Variants in PCDHGA8 observed in about 807,000 individuals in gnomAD.
PCDHGA8 encodes the protein protocadherin gamma-A8.
PCDHGA8 carries 45 observed loss-of-function variants against 59.2 expected under a neutral mutation model. That is an observed-to-expected ratio of 0.76 (90% CI 0.60 to 0.98). The LOEUF (loss-of-function observed/expected upper bound fraction) is 0.98. Among genes scored for constraint, PCDHGA8 ranks in the 50% least tolerant of loss-of-function variants. PCDHGA8 has a pLI of 0.00. For missense variants in PCDHGA8, 1,257 were observed against 1,196.2 expected (o/e 1.05, Z -0.75); for synonymous variants, 531 against 519.0 (o/e 1.02, Z -0.32).
At chr5:141,395,423 C>A in intron 1 of PCDHGA8, 186 bp downstream of exon 1, 1 of 731,386 alleles carries the variant, frequency 1.4e-6, no homozygotes, top group Non-Finnish European at 2.1e-6. Context: ...GTTTCATTTG[C>A]TTTTAAACGA....
In PCDHGA8 at chr5:141,487,680, A is replaced by G; in HGVS notation, c.2425-7127A>G. On this transcript the variant is annotated intron_variant, in intron 1 of 3. Coordinates refer to ENST00000398604, the MANE Select transcript of PCDHGA8 (RefSeq NM_032088.2). This position sits in a 1 kb window ranked among gnomAD's most constrained non-coding sequence, Gnocchi z 5.0. ...TCTGATCCAGGCATATGGCTAGGCC[A>G]TGTCCTAGAGAGTACTGGCCTCTCA... 6.2e-7 allele frequency: 1 copy of G among 1,609,370 alleles called. No individual in the cohort carries two copies. The highest frequency in any genetic ancestry group is 2.2e-5 in the East Asian group (1 of 44,826).
chr5:141,476,733 G>C lies in PCDHGA8; in HGVS notation c.2425-18074G>C, dbSNP rs373439335. On this transcript the variant is annotated intron_variant, in intron 1 of 3. Transcript: ENST00000398604. This position sits in a 1 kb window ranked among gnomAD's most constrained non-coding sequence, Gnocchi z 7.6. ...TTGGAGCGCGCCCTGGACCGAGAAC[G>C]GGAGCCTAGTCTCCAGTTAGTGCTG... 6.2e-6 allele frequency: 10 copies of C among 1,614,062 alleles called. No individual in the cohort carries two copies. The highest frequency in any genetic ancestry group is 2.2e-5 in the East Asian group (1 of 44,870).
chr5:141,398,566 C>T, intron 1 of PCDHGA8: 1 of 1,613,980 alleles, frequency 6.2e-7, no homozygotes, highest in Non-Finnish European at 8.5e-7. Flanking sequence ...TGAGTCTGCA[C>T]AGCCTGGCAC....
intron 1 of PCDHGA8, chr5:141,413,354 C>T: frequency 6.2e-7 from 1 of 1,613,974 alleles, no homozygotes; most frequent in South Asian, 1.1e-5. Flanking sequence ...GGTCTGGCGC[C>T]CCGGGAGCTG....
intron 1 of PCDHGA8, chr5:141,405,642 T>C (rs2094697537): frequency 1.9e-6 from 1 of 528,606 alleles, no homozygotes; most frequent in Non-Finnish European, 3.3e-6. Flanking sequence ...GCCCGGCTAA[T>C]TTTTTGTGTG....
At position 141,431,998 on chromosome 5, in the gene PCDHGA8, A is replaced by G. The variant is rs201105272; in HGVS notation, c.2424+36761A>G. The G allele has an allele frequency of 1.2e-6, 2 of 1,614,176 alleles. No homozygotes were observed. Among genetic ancestry groups the G allele is most frequent in the Admixed American group, 1.7e-5 (1 of 60,030 alleles). On this transcript the variant is annotated intron_variant, in intron 1 of 3. Coordinates refer to ENST00000398604, the MANE Select transcript of PCDHGA8 (RefSeq NM_032088.2). This position sits in a 1 kb window ranked among gnomAD's most constrained non-coding sequence, Gnocchi z 4.8. The stretch of plus-strand genomic sequence containing the variant: ...TCACAGACATAGTCTTGGATAGGGA[A>G]CAGGTTCCTAGCTACAACATCACAG...
At chr5:141,468,330 C>CAAAAA (rs533390277) in intron 1 of PCDHGA8, 4 of 79,848 alleles carry the variant, frequency 5.0e-5, no homozygotes, top group African/African-American at 7.8e-5. Context: ...AACTCCATCT[C>CAAAAA]AAAAAAAAAA....
chr5:141,405,016 C>G (rs538744733), intron 1 of PCDHGA8: 1 of 1,613,888 alleles, frequency 6.2e-7, no homozygotes. Flanking sequence ...AGGCCTCAGA[C>G]CTTACCCTCT....
Position 141,485,870 on chromosome 5 carries a change from C to T in PCDHGA8, c.2425-8937C>T. The stretch of plus-strand genomic sequence containing the variant: ...CACCGCAGAGCTCCGGGTATCCGTG[C>T]TGGACGTAAACGACAACGCCCCAGC... On this transcript the variant is annotated intron_variant, in intron 1 of 3. Coordinates refer to ENST00000398604, the MANE Select transcript of PCDHGA8 (RefSeq NM_032088.2). This position sits in a 1 kb window ranked among gnomAD's most constrained non-coding sequence, Gnocchi z 5.7. 6.2e-7 allele frequency: 1 copy of T among 1,614,174 alleles called. No homozygotes were observed. The highest frequency in any genetic ancestry group is 8.5e-7 in the Non-Finnish European group (1 of 1,180,032).
chr5:141,465,881 G>T (rs1000308014), intron 1 of PCDHGA8, among the ~76,000 whole-genome samples: 1 of 151,960 alleles, frequency 6.6e-6, no homozygotes, highest in African/African-American at 2.4e-5. Flanking sequence ...CCAGCACTTT[G>T]GGAGGCCGAG....
chr5:141,487,348 C>T lies in PCDHGA8; in HGVS notation c.2425-7459C>T, dbSNP rs929693998. ...GTGGGGCAGCCTGTGGAGTCACATG[C>T]TTTCCTGCTGGCACCTGTGCCTGTC... On this transcript the variant is annotated intron_variant, in intron 1 of 3. Coordinates refer to ENST00000398604, the MANE Select transcript of PCDHGA8 (RefSeq NM_032088.2). The surrounding 1 kb of genome is among the most constrained non-coding windows in gnomAD (Gnocchi z 5.0). The T allele has an allele frequency of 2.5e-6, 4 of 1,614,080 alleles. No homozygotes were observed. The highest frequency in any genetic ancestry group is 2.2e-5 in the East Asian group (1 of 44,882).
rs143138320 is a variant in PCDHGA8 at position 141,489,458 on chromosome 5, G to C, written c.2425-5349G>C. The stretch of plus-strand genomic sequence containing the variant: ...CAATTGGGCTCTGAGGAGAATGGGC[G>C]CTATTTTTCCCTGAGCTTGATGAGT... On this transcript the variant is annotated intron_variant, in intron 1 of 3. Coordinates refer to ENST00000398604, the MANE Select transcript of PCDHGA8 (RefSeq NM_032088.2). The surrounding 1 kb of genome is among the most constrained non-coding windows in gnomAD (Gnocchi z 4.5). 3.7e-6 allele frequency: 6 copies of C among 1,613,924 alleles called. No individual in the cohort carries two copies. The highest frequency in any genetic ancestry group is 5.1e-6 in the Non-Finnish European group (6 of 1,180,000).
At chr5:141,492,070 G>T (rs1408035481) in intron 1 of PCDHGA8, 1 of 477,946 alleles carries the variant, frequency 2.1e-6, no homozygotes. Context: ...CCTCCTAGGC[G>T]CCGGCTCCGG....
intron 1 of PCDHGA8, among the ~76,000 whole-genome samples, chr5:141,483,340 C>T (rs906468552): frequency 5.9e-5 from 9 of 152,036 alleles, no homozygotes; most frequent in Non-Finnish European, 1.2e-4. Flanking sequence ...GATCTTATCT[C>T]TTTGCAATAG....
chr5:141,483,121 T>C (rs922863446), intron 1 of PCDHGA8, among the ~76,000 whole-genome samples: 1 of 152,052 alleles, frequency 6.6e-6, no homozygotes, highest in Admixed American at 6.6e-5. Flanking sequence ...ACAGTCTTTG[T>C]AGGAGATGAG....
intron 2 of PCDHGA8, among the ~76,000 whole-genome samples, chr5:141,504,359 A>C (rs988295720): frequency 2.6e-5 from 4 of 152,044 alleles, no homozygotes; most frequent in African/African-American, 9.7e-5. Flanking sequence ...TAGGTGCTTC[A>C]GTAGGAAGCA....
Position 141,489,361 on chromosome 5 carries a change from C to A in PCDHGA8, c.2425-5446C>A. ...TTACTCAGTGGTGGAGGAGTCTGAG[C>A]CGGGGACGCTGGTGGGGAATGTTGC... On this transcript the variant is annotated intron_variant, in intron 1 of 3. Transcript: ENST00000398604. This position sits in a 1 kb window ranked among gnomAD's most constrained non-coding sequence, Gnocchi z 4.5. 1 of 1,612,880 alleles carries A rather than the reference C, an allele frequency of 6.2e-7. No individual in the cohort carries two copies. The highest frequency in any genetic ancestry group is 8.5e-7 in the Non-Finnish European group (1 of 1,179,164).
Position 141,394,634 on chromosome 5 carries a change from C to T in PCDHGA8, c.1821C>T (p.Arg607=), listed in dbSNP as rs764703837. 2.5e-6 allele frequency: 4 copies of T among 1,613,328 alleles called. No homozygotes were observed. Among genetic ancestry groups the T allele is most frequent in the Non-Finnish European group, 1.7e-6 (2 of 1,179,976 alleles). Residue 607 remains arginine, a synonymous_variant, in exon 1 of 4, where the codon CGC becomes CGT. Coordinates refer to ENST00000398604, the MANE Select transcript of PCDHGA8 (RefSeq NM_032088.2). ...DSGQNAWLSY[R]LLKASEPGLF... is the part of the protein sequence containing the mutation. ...GCCAGAACGCCTGGCTGTCCTACCGCCTGCTCAAGGCCAGCGAGCCGGGAC... is the reference window on the plus strand; with the variant it reads ...GCCAGAACGCCTGGCTGTCCTACCGTCTGCTCAAGGCCAGCGAGCCGGGAC...
chr5:141,489,101 T>A lies in PCDHGA8; in HGVS notation c.2425-5706T>A. 2 of 398,380 alleles carry A rather than the reference T, an allele frequency of 5.0e-6. No individual in the cohort carries two copies. Among genetic ancestry groups the A allele is most frequent in the Non-Finnish European group, 9.0e-6 (2 of 223,310 alleles). The allele number at this position is 398,380 out of a possible 1,614,324, so 24.7% of individuals were successfully genotyped here. ...CCGCCACTCGGTGACTAAGAACTGC[T>A]GCAAGCAGGCAAACCTCCGAGCAGT... On this transcript the variant is annotated intron_variant, in intron 1 of 3. Coordinates refer to ENST00000398604, the MANE Select transcript of PCDHGA8 (RefSeq NM_032088.2). This position sits in a 1 kb window ranked among gnomAD's most constrained non-coding sequence, Gnocchi z 4.5.
Sources: gnomAD v4.1 joint callset for allele counts (sites outside exome capture counted in the v4.1 genomes callset) on GRCh38, gnomAD v4.1.1 for gene constraint, Gnocchi (gnomAD v3.1) non-coding constraint, MANE v1.5 for transcripts, NCBI Gene and HGNC (gene_info 2026-07-23, HGNC 2026-07-21) for gene names.